MDGA2: variants seen among roughly 807,000 people sequenced by gnomAD.
MDGA2 encodes the protein MAM domain-containing glycosylphosphatidylinositol anchor protein 2.
Under a neutral mutation model 117.8 loss-of-function variants are expected in MDGA2, and 40 were observed. That is an observed-to-expected ratio of 0.34 (90% CI 0.26 to 0.44). MDGA2 has a LOEUF of 0.44. Among genes scored for constraint, MDGA2 ranks in the 20% least tolerant of loss-of-function variants. The probability of loss-of-function intolerance (pLI) is 1.00; values close to 1 mark genes in which losing one functional copy is unlikely to be tolerated. For synonymous variants in MDGA2, 452 were observed against 439.0 expected (o/e 1.03, Z -0.37); for missense variants, 1,123 against 1,250.6 (o/e 0.90, Z 1.54).
chr14:47,306,909 T>A (rs1002865933), intron 1 of MDGA2, among the ~76,000 whole-genome samples: 12 of 151,172 alleles, frequency 7.9e-5, no homozygotes, highest in Non-Finnish European at 1.5e-4. Flanking sequence ...GCCTATACCT[T>A]ACTGTTCTCA....
intron 8 of MDGA2, among the ~76,000 whole-genome samples, chr14:47,016,763 T>C (rs953766581): frequency 6.6e-6 from 1 of 152,018 alleles, no homozygotes; most frequent in Admixed American, 6.5e-5. Flanking sequence ...TGTAAATATA[T>C]ATTCATAATC....
intron 1 of MDGA2, among the ~76,000 whole-genome samples, chr14:47,408,840 T>C (rs982049772): frequency 6.5e-4 from 99 of 152,274 alleles, no homozygotes; most frequent in African/African-American, 2.2e-3. Context: ...GAGGATTAAA[T>C]AGTATGGCCA....
intron 5 of MDGA2, among the ~76,000 whole-genome samples, chr14:47,103,962 G>C (rs976701565): frequency 2.0e-5 from 3 of 152,222 alleles, no homozygotes; most frequent in Admixed American, 1.3e-4. Flanking sequence ...AATCCCTGCT[G>C]TCAGAAGTTT....
chr14:47,001,324 T>C (rs1187314790), intron 8 of MDGA2, among the ~76,000 whole-genome samples: 3 of 152,068 alleles, frequency 2.0e-5, no homozygotes. Flanking sequence ...GATATCTTAA[T>C]AAGAAATTGA....
chr14:47,346,440 A>T (rs979284899), intron 1 of MDGA2, among the ~76,000 whole-genome samples: 2 of 152,138 alleles, frequency 1.3e-5, no homozygotes, highest in Non-Finnish European at 2.9e-5. Flanking sequence ...CCAGTGTGGG[A>T]CAGAAAAAGC....
chr14:47,423,881 G>T (rs1014444584), intron 1 of MDGA2, among the ~76,000 whole-genome samples: 1 of 151,688 alleles, frequency 6.6e-6, no homozygotes, highest in Admixed American at 6.6e-5. Context: ...GCATAATCTC[G>T]GCTCACTGCA....
chr14:46,886,768 T>C (rs553940239), intron 10 of MDGA2, among the ~76,000 whole-genome samples: 1 of 152,242 alleles, frequency 6.6e-6, no homozygotes, highest in African/African-American at 2.4e-5. Context: ...TCTATGACAG[T>C]GCTCTCTCTC....
At chr14:47,375,458 T>G (rs535070704) in intron 1 of MDGA2, among the ~76,000 whole-genome samples, 1 of 152,188 alleles carries the variant, frequency 6.6e-6, no homozygotes, top group Admixed American at 6.5e-5. Flanking sequence ...GCCTCATCTT[T>G]CTTCTATTCC....
chr14:47,328,527 G>A (rs1300875342), intron 1 of MDGA2, among the ~76,000 whole-genome samples: 8 of 152,092 alleles, frequency 5.3e-5, no homozygotes, highest in African/African-American at 1.9e-4. Context: ...TGCATTCTTG[G>A]AAGAAACTTC....
intron 3 of MDGA2, among the ~76,000 whole-genome samples, chr14:47,159,648 C>T (rs1883550577): frequency 6.6e-6 from 1 of 152,100 alleles, no homozygotes; most frequent in African/African-American, 2.4e-5. Flanking sequence ...TTTTTGTGCA[C>T]TCTGATTGTG....
At chr14:47,360,763 T>C (rs539210151) in intron 1 of MDGA2, among the ~76,000 whole-genome samples, 1 of 152,102 alleles carries the variant, frequency 6.6e-6, no homozygotes, top group South Asian at 2.1e-4. Context: ...TGTAGAGATA[T>C]CTGTGCTGCC....
At chr14:46,925,040 G>T (rs980863234) in intron 9 of MDGA2, among the ~76,000 whole-genome samples, 1 of 152,146 alleles carries the variant, frequency 6.6e-6, no homozygotes, top group Non-Finnish European at 1.5e-5. Context: ...TATAGTTTCA[G>T]ACATAGGATA....
chr14:47,048,492 T>C (rs1889342866), intron 7 of MDGA2, among the ~76,000 whole-genome samples: 1 of 152,102 alleles, frequency 6.6e-6, no homozygotes, highest in Non-Finnish European at 1.5e-5. Flanking sequence ...TGTCTCCTTG[T>C]AGAACCCATG....
At chr14:46,940,213 C>T (rs367991469) in intron 9 of MDGA2, among the ~76,000 whole-genome samples, 27 of 152,242 alleles carry the variant, frequency 1.8e-4, no homozygotes, top group Middle Eastern at 3.4e-3. Context: ...TAAGGATTGA[C>T]TAAATCTCTA....
At chr14:47,055,470 C>A (rs1431682295) in intron 7 of MDGA2, among the ~76,000 whole-genome samples, 2 of 152,050 alleles carry the variant, frequency 1.3e-5, no homozygotes, top group Non-Finnish European at 2.9e-5. Flanking sequence ...GATTCAATAA[C>A]ATTATTCTGT....
chr14:47,464,771 C>T (rs1268117063), intron 1 of MDGA2, among the ~76,000 whole-genome samples: 1 of 152,064 alleles, frequency 6.6e-6, no homozygotes, highest in African/African-American at 2.4e-5. Flanking sequence ...TTTACAGACT[C>T]AATGCTATTC....
intron 1 of MDGA2, among the ~76,000 whole-genome samples, chr14:47,455,640 A>G (rs1893333707): frequency 6.6e-6 from 1 of 152,220 alleles, no homozygotes; most frequent in South Asian, 2.1e-4. Flanking sequence ...AACAGTAGTA[A>G]CAGTAGTTTT....
In MDGA2 at chr14:47,469,516, G is replaced by T. The variant is rs1216270222; in HGVS notation, c.281-167966C>A. ...TTTTATGGCTGCATAGTATTCCATGGTGTATATGTGCCACATTTTCTTAAT... is the reference window on the plus strand; with the variant it reads ...TTTTATGGCTGCATAGTATTCCATGTTGTATATGTGCCACATTTTCTTAAT... On this transcript the variant is annotated intron_variant, in intron 1 of 16. Transcript: ENST00000399232. Among the ~76,000 whole-genome samples, 15 of 152,094 alleles carry T rather than the reference G, an allele frequency of 9.9e-5. 1 individual carries two copies. Among genetic ancestry groups the T allele is most frequent in the Admixed American group, 9.8e-4 (15 of 15,256 alleles).
chr14:46,947,229 T>C (rs1288829732), intron 9 of MDGA2, among the ~76,000 whole-genome samples: 1 of 152,134 alleles, frequency 6.6e-6, no homozygotes, highest in East Asian at 1.9e-4. Context: ...TACTTTTTCT[T>C]TAATATTTTG....
Sources: allele counts gnomAD v4.1 joint callset (sites outside exome capture counted in the v4.1 genomes callset), GRCh38; gene constraint gnomAD v4.1.1; transcripts MANE v1.5; gene names NCBI Gene and HGNC (gene_info 2026-07-23, HGNC 2026-07-21).